Variants in CSMD2 observed in about 807,000 individuals in gnomAD.
CSMD2 encodes CUB and sushi domain-containing protein 2.
Under a neutral mutation model 398.5 loss-of-function variants are expected in CSMD2, and 130 were observed. That is an observed-to-expected ratio of 0.33 (90% CI 0.28 to 0.38). The LOEUF (loss-of-function observed/expected upper bound fraction) is 0.38, where lower values mean the gene tolerates loss of function less well. Among genes scored for constraint, CSMD2 ranks in the 10% least tolerant of loss-of-function variants. The probability of loss-of-function intolerance (pLI) is 1.00; values close to 1 mark genes in which losing one functional copy is unlikely to be tolerated. For synonymous variants in CSMD2, 1,828 were observed against 1,908.5 expected (o/e 0.96, Z 1.10); for missense variants, 3,829 against 4,764.9 (o/e 0.80, Z 5.78).
chr1:34,091,591 A>G (rs1048896259), intron 1 of CSMD2, among the ~76,000 whole-genome samples: 1 of 152,190 alleles, frequency 6.6e-6, no homozygotes, highest in Non-Finnish European at 1.5e-5. Context: ...AAGGACAGTT[A>G]ATCTCTAAAG....
Position 33,795,272 on chromosome 1 carries a change from G to A in CSMD2, c.1447-2746C>T, listed in dbSNP as rs557340252. Among the ~76,000 whole-genome samples, 5 of 152,288 alleles carry A rather than the reference G, an allele frequency of 3.3e-5. No homozygotes were observed. The South Asian group carries it at 1.0e-3, about 32-fold the overall frequency. ...AGAGGAGATGGGATTTGTCAATAGT[G>A]AGTGGGGATTCCTTGGCCCTTCTGG... On this transcript the variant is annotated intron_variant, in intron 10 of 70. Coordinates refer to ENST00000373381, the MANE Select transcript of CSMD2 (RefSeq NM_001281956.2).
intron 44 of CSMD2, among the ~76,000 whole-genome samples, chr1:33,591,221 C>T (rs192267260): frequency 5.3e-5 from 8 of 151,988 alleles, no homozygotes; most frequent in Non-Finnish European, 1.0e-4. Context: ...CTGCCAACCT[C>T]AGGTGATCCG....
intron 46 of CSMD2, among the ~76,000 whole-genome samples, chr1:33,585,123 A>G (rs1638992216): frequency 6.6e-6 from 1 of 152,220 alleles, no homozygotes; most frequent in Admixed American, 6.5e-5. Flanking sequence ...TTCTTTCAGT[A>G]CAAAGGTGTG....
chr1:33,611,350 GCTA>G, intron 40 of CSMD2, 100 bp from the exon 41 acceptor site: 1 of 1,014,250 alleles, frequency 9.9e-7, no homozygotes, highest in Non-Finnish European at 1.5e-6. Context: ...ATGAGTCCCT[GCTA>G]CTGATTTCCC....
chr1:33,541,608 A>C (rs1656348096), intron 58 of CSMD2, among the ~76,000 whole-genome samples: 1 of 152,196 alleles, frequency 6.6e-6, no homozygotes, highest in African/African-American at 2.4e-5. Context: ...CTGGGACTAC[A>C]GGCATGAGCC....
rs762757595 is a variant in CSMD2, at chr1:33,698,825, G to A, written c.3853C>T (p.Arg1285Trp). The A allele has an allele frequency of 3.0e-5, 49 of 1,614,014 alleles. No homozygotes were observed. The East Asian group carries it at 5.8e-4, about 19-fold the overall frequency. Residue 1285 changes from arginine to tryptophan, a missense_variant, in exon 24 of 71, where the codon CGG (arginine) becomes TGG (tryptophan). By Grantham distance (101) the Arg-to-Trp change is moderately radical. Coordinates refer to ENST00000373381, the MANE Select transcript of CSMD2 (RefSeq NM_001281956.2). ...SFSCDPGYSL[R>W]GSEELLCLSG... ...AGACACAGCAGCTCCTCACTACCCCGCAGGCTGTATCCAGGGTCACAGCTG... is the reference window on the plus strand; with the variant it reads ...AGACACAGCAGCTCCTCACTACCCCACAGGCTGTATCCAGGGTCACAGCTG...
At chr1:34,017,185 A>G (rs534723154) in intron 3 of CSMD2, among the ~76,000 whole-genome samples, 57 of 152,220 alleles carry the variant, frequency 3.7e-4, no homozygotes, top group Admixed American at 6.5e-4. Flanking sequence ...ATCACAAGGC[A>G]GCCTACTCCA....
intron 3 of CSMD2, among the ~76,000 whole-genome samples, chr1:33,960,678 ACT>A (rs748479159): frequency 2.0e-5 from 3 of 152,018 alleles, no homozygotes; most frequent in Non-Finnish European, 2.9e-5. Context: ...GGAAACAGAG[ACT>A]CTCATTTGCC....
At chr1:33,986,506 G>T (rs558774175) in intron 3 of CSMD2, among the ~76,000 whole-genome samples, 1 of 152,258 alleles carries the variant, frequency 6.6e-6, no homozygotes, top group East Asian at 1.9e-4. Context: ...AGTAGGTAGA[G>T]CCAGGCATCC....
intron 13 of CSMD2, among the ~76,000 whole-genome samples, chr1:33,759,018 A>G (rs890941568): frequency 1.3e-5 from 2 of 152,224 alleles, no homozygotes; most frequent in African/African-American, 4.8e-5. Flanking sequence ...CAAGTCATTG[A>G]GAGTTTCGGG....
chr1:33,552,571 G>A (rs1429442557), intron 55 of CSMD2, among the ~76,000 whole-genome samples: 1 of 152,224 alleles, frequency 6.6e-6, no homozygotes, highest in African/African-American at 2.4e-5. Context: ...TAAACAAGAT[G>A]TGGTATATTC....
rs533750456 is a variant in CSMD2 at position 33,898,175 on chromosome 1, C to T, written c.920+19919G>A. Reference sequence around the variant, plus strand: ...TTGCTAAAAAATGCTATTACTATTTCTCTTGCAGTCATGATAACCAAACAT... The same window carrying T: ...TTGCTAAAAAATGCTATTACTATTTTTCTTGCAGTCATGATAACCAAACAT... On this transcript the variant is annotated intron_variant, in intron 5 of 70. Transcript: ENST00000373381. Among the ~76,000 whole-genome samples the T allele has an allele frequency of 1.9e-3, 295 of 152,314 alleles. 1 individual carries two copies. Among genetic ancestry groups the T allele is most frequent in the African/African-American group, 6.6e-3 (274 of 41,572 alleles).
intron 9 of CSMD2, among the ~76,000 whole-genome samples, chr1:33,817,658 ACG>A (rs1657626654): frequency 1.3e-5 from 2 of 152,252 alleles, no homozygotes; most frequent in Admixed American, 6.5e-5. Context: ...ATATGTGTGC[ACG>A]TAAGTCTCAC....
chr1:33,916,410 A>G (rs1643724661), intron 5 of CSMD2, among the ~76,000 whole-genome samples: 1 of 152,250 alleles, frequency 6.6e-6, no homozygotes, highest in Non-Finnish European at 1.5e-5. Context: ...GCAGAGGTCC[A>G]AGGGTCTTCA....
At chr1:33,659,274 C>G (rs1292641138) in intron 26 of CSMD2, among the ~76,000 whole-genome samples, 1 of 152,150 alleles carries the variant, frequency 6.6e-6, no homozygotes, top group Admixed American at 6.5e-5. Context: ...ACAAATGTGG[C>G]ATGAGAAAAC....
chr1:33,603,372 G>C (rs1002810011), intron 42 of CSMD2, among the ~76,000 whole-genome samples: 4 of 152,190 alleles, frequency 2.6e-5, no homozygotes, highest in Non-Finnish European at 4.4e-5. Context: ...AATAGATGGG[G>C]ATGGTGGACA....
rs760604884 is a variant in CSMD2 at position 33,864,592 on chromosome 1, C to T, written c.921-17596G>A. 1.9e-5 allele frequency: 31 copies of T among 1,613,868 alleles called. No homozygotes were observed. Among genetic ancestry groups the T allele is most frequent in the Non-Finnish European group, 2.5e-5 (30 of 1,180,016 alleles). On this transcript the variant is annotated intron_variant, in intron 5 of 70. Transcript: ENST00000373381. ...GCCACAGGGAAGATGTGGTCAACAG[C>T]GACAGACCTGGAGAAGCACCCTTAT...
chr1:34,104,708 T>C (rs1660352890), intron 1 of CSMD2, among the ~76,000 whole-genome samples: 1 of 152,222 alleles, frequency 6.6e-6, no homozygotes, highest in South Asian at 2.1e-4. Flanking sequence ...AATCAGCCTC[T>C]GGCCCATCAC....
At chr1:34,048,114 A>G (rs1463887827) in intron 2 of CSMD2, among the ~76,000 whole-genome samples, 1 of 151,836 alleles carries the variant, frequency 6.6e-6, no homozygotes, top group Non-Finnish European at 1.5e-5. Context: ...ATGGGGAAGG[A>G]AGCTTTGAGG....
Sources: allele counts gnomAD v4.1 joint callset (sites outside exome capture counted in the v4.1 genomes callset), GRCh38; gene constraint gnomAD v4.1.1; transcripts MANE v1.5; gene names NCBI Gene and HGNC (gene_info 2026-07-23, HGNC 2026-07-21).